Variants in SLC37A3 observed in about 807,000 individuals in gnomAD.
SLC37A3 encodes solute carrier family 37 member 3, also known as sugar phosphate exchanger 3.
SLC37A3 carries 51 observed loss-of-function variants against 67.1 expected under a neutral mutation model. That is an observed-to-expected ratio of 0.76 (90% CI 0.61 to 0.96). SLC37A3 has a LOEUF of 0.96. Ranked by LOEUF, SLC37A3 falls within the 40% of genes least tolerant of loss-of-function variation. The pLI is 0.00. For missense variants in SLC37A3, 508 were observed against 603.0 expected (o/e 0.84, Z 1.65); for synonymous variants, 214 against 231.4 (o/e 0.92, Z 0.68).
intron 7 of SLC37A3, among the ~76,000 whole-genome samples, chr7:140,352,550 G>A (rs1379355356): frequency 6.6e-6 from 1 of 152,196 alleles, no homozygotes; most frequent in South Asian, 2.1e-4. Flanking sequence ...GCACCAAGAA[G>A]CTGAATAGAT....
Position 140,397,069 on chromosome 7 carries a change from G to T in SLC37A3, c.-71+1347C>A, listed in dbSNP as rs556496532. Among the ~76,000 whole-genome samples, 100 of 149,916 alleles carry T rather than the reference G, an allele frequency of 6.7e-4. 2 individuals carry two copies. The South Asian group carries it at 0.019, about 29-fold the overall frequency. On this transcript the variant is annotated intron_variant, in intron 1 of 14. Coordinates refer to ENST00000326232, the MANE Select transcript of SLC37A3 (RefSeq NM_207113.3). ...CCAAAAATTAGCCTGGCGTGGTGGC[G>T]GGCGCCTGTAGTCCCAGCTACTCGG...
chr7:140,368,902 C>T (rs1452863458), intron 4 of SLC37A3, among the ~76,000 whole-genome samples: 3 of 152,150 alleles, frequency 2.0e-5, no homozygotes, highest in Non-Finnish European at 4.4e-5. Flanking sequence ...ATTACTGTTG[C>T]GCTGGACCCA....
intron 7 of SLC37A3, among the ~76,000 whole-genome samples, chr7:140,354,403 T>C (rs1345262043): frequency 6.6e-6 from 1 of 152,218 alleles, no homozygotes. Context: ...TTTGGATTTT[T>C]AGTCTAATAA....
intron 13 of SLC37A3, among the ~76,000 whole-genome samples, chr7:140,342,503 A>C (rs1042557080): frequency 2.0e-5 from 3 of 152,120 alleles, no homozygotes; most frequent in Non-Finnish European, 4.4e-5. Flanking sequence ...TTTCCCTATT[A>C]AATGTTTCAT....
intron 3 of SLC37A3, 197 bp downstream of exon 3, chr7:140,380,085 C>T: frequency 5.7e-6 from 2 of 351,904 alleles, no homozygotes; most frequent in Non-Finnish European, 1.0e-5. Flanking sequence ...CAGTTAGAAA[C>T]AAGCCGGCTG....
intron 9 of SLC37A3, among the ~76,000 whole-genome samples, chr7:140,349,753 T>C (rs1210528669): frequency 6.6e-6 from 1 of 152,188 alleles, no homozygotes; most frequent in Admixed American, 6.5e-5. Flanking sequence ...AGATTTCCTT[T>C]ACATCCCTGC....
intron 5 of SLC37A3, among the ~76,000 whole-genome samples, chr7:140,363,740 CAAAAAAAAAAAA>C (rs71170980): frequency 5.3e-4 from 57 of 107,842 alleles, no homozygotes; most frequent in East Asian, 8.2e-4. Context: ...AACTCCGCCT[CAAAAAAAAAAAA>C]AAAAAAAAAA....
chr7:140,369,361 G>A (rs1797729022), intron 4 of SLC37A3, among the ~76,000 whole-genome samples: 1 of 152,142 alleles, frequency 6.6e-6, no homozygotes, highest in Admixed American at 6.6e-5. Flanking sequence ...TAAAGGCAGG[G>A]CATTTTGTGT....
At chr7:140,379,894 T>TAA (rs34577025) in intron 3 of SLC37A3, 108 of 138,602 alleles carry the variant, frequency 7.8e-4, no homozygotes, top group East Asian at 5.8e-3. Context: ...ATACTCTGTT[T>TAA]AAAAAAAAAA....
intron 4 of SLC37A3, among the ~76,000 whole-genome samples, chr7:140,365,537 A>G (rs1426341570): frequency 1.3e-5 from 2 of 152,182 alleles, no homozygotes; most frequent in Non-Finnish European, 2.9e-5. Flanking sequence ...CCTGACCAAC[A>G]TGGTGAAACC....
intron 1 of SLC37A3, among the ~76,000 whole-genome samples, chr7:140,395,342 T>A (rs1228481299): frequency 8.0e-6 from 1 of 124,464 alleles, no homozygotes; most frequent in Non-Finnish European, 1.6e-5. Flanking sequence ...GCCACTGCAC[T>A]CCAGCCTTGG....
intron 5 of SLC37A3, among the ~76,000 whole-genome samples, chr7:140,361,344 T>C (rs1192653880): frequency 6.6e-6 from 1 of 151,828 alleles, no homozygotes; most frequent in Non-Finnish European, 1.5e-5. Flanking sequence ...TAGTCAGGTG[T>C]GGTGGTGCAT....
intron 3 of SLC37A3, among the ~76,000 whole-genome samples, chr7:140,373,790 T>C: frequency 6.6e-6 from 1 of 150,792 alleles, no homozygotes; most frequent in African/African-American, 2.4e-5. Flanking sequence ...ACAGACACAC[T>C]CCACCATGCC....
rs569378942 is a variant in SLC37A3, at chr7:140,357,874, G to T, written c.521+766C>A. Among the ~76,000 whole-genome samples the T allele has an allele frequency of 2.0e-5, 3 of 148,058 alleles. No homozygotes were observed. The South Asian group carries it at 6.5e-4, about 32-fold the overall frequency. On this transcript the variant is annotated intron_variant, in intron 6 of 14. Transcript: ENST00000326232. ...GGAGGTTGCAGTGAGCCGAGATCGC[G>T]CCATTGCAATGGGCAACAAGAGCAA...
intron 2 of SLC37A3, among the ~76,000 whole-genome samples, chr7:140,381,242 G>T (rs534409480): frequency 6.6e-6 from 1 of 150,388 alleles, no homozygotes. Context: ...AGCCAAGCAC[G>T]GTGGCTCACG....
chr7:140,336,647 T>C (rs879457810), intron 14 of SLC37A3, among the ~76,000 whole-genome samples: 80 of 152,318 alleles, frequency 5.3e-4, no homozygotes, highest in African/African-American at 1.9e-3. Context: ...AGAATTCCTA[T>C]ATTATATTCA....
At chr7:140,352,696 G>A (rs1376486550) in intron 7 of SLC37A3, among the ~76,000 whole-genome samples, 2 of 152,052 alleles carry the variant, frequency 1.3e-5, no homozygotes, top group African/African-American at 4.8e-5. Context: ...CCAGGCACAC[G>A]GTAAGCAAAG....
rs142330907 is a variant in SLC37A3, at chr7:140,397,653, T to C, written c.-71+763A>G. 3.3e-3 allele frequency among the ~76,000 whole-genome samples: 497 copies of C among 152,296 alleles called. 2 individuals carry two copies. The highest frequency in any genetic ancestry group is 0.011 in the African/African-American group (469 of 41,554). Reference sequence around the variant, plus strand: ...CTTCAACAACTGTTATATATATTTATGTATGTATAAATTTGTGTAAAGGTA... The same window carrying C: ...CTTCAACAACTGTTATATATATTTACGTATGTATAAATTTGTGTAAAGGTA... On this transcript the variant is annotated intron_variant, in intron 1 of 14. Transcript: ENST00000326232.
At chr7:140,361,757 G>A (rs975820052) in intron 5 of SLC37A3, among the ~76,000 whole-genome samples, 2 of 143,028 alleles carry the variant, frequency 1.4e-5, no homozygotes, top group African/African-American at 5.5e-5. Flanking sequence ...TTGCTGTGTC[G>A]GCCGGGCTGG....
Sources: gnomAD v4.1 joint callset for allele counts (sites outside exome capture counted in the v4.1 genomes callset) on GRCh38, gnomAD v4.1.1 for gene constraint, MANE v1.5 for transcripts, NCBI Gene and HGNC (gene_info 2026-07-23, HGNC 2026-07-21) for gene names.